PHACTR1: variants seen among roughly 807,000 people sequenced by gnomAD.
The protein encoded by PHACTR1 is phosphatase and actin regulator 1, also known as RPEL repeat containing 1.
Under a neutral mutation model 69.2 loss-of-function variants are expected in PHACTR1, and 16 were observed. The observed-to-expected ratio is 0.23, with a 90% confidence interval of 0.16 to 0.35. PHACTR1 has a LOEUF of 0.35. PHACTR1 is among the 10% of genes least tolerant of loss of function. The pLI, the probability that PHACTR1 is intolerant of heterozygous loss-of-function variation, is 1.00. For synonymous variants in PHACTR1, 312 were observed against 284.5 expected, an observed-to-expected ratio of 1.10 and a Z score of -0.97; for missense variants, 510 against 734.7, an observed-to-expected ratio of 0.69 and a Z score of 3.54.
chr6:13,207,982 A>G (rs752915395), intron 8 of PHACTR1, among the ~76,000 whole-genome samples: 18 of 152,028 alleles, frequency 1.2e-4, no homozygotes, highest in Non-Finnish European at 2.1e-4. Context: ...GTGTCTAGGA[A>G]TTCTGACTTG....
At chr6:13,117,213 C>T (rs961455473) in intron 5 of PHACTR1, among the ~76,000 whole-genome samples, 2 of 152,188 alleles carry the variant, frequency 1.3e-5, no homozygotes, top group Admixed American at 6.5e-5. Context: ...AATTAAAAGT[C>T]ACTGGTTATT....
chr6:13,067,911 G>A (rs1346613451), intron 5 of PHACTR1, among the ~76,000 whole-genome samples: 1 of 152,130 alleles, frequency 6.6e-6, no homozygotes, highest in Non-Finnish European at 1.5e-5. Context: ...GGGAGAGGTG[G>A]TATAGACTAG....
chr6:12,868,514 T>C (rs1043615984), intron 4 of PHACTR1, among the ~76,000 whole-genome samples: 1 of 152,124 alleles, frequency 6.6e-6, no homozygotes, highest in African/African-American at 2.4e-5. Context: ...TCTATCAAGA[T>C]GAGTGAATCA....
chr6:12,914,864 A>G (rs1786799158), intron 4 of PHACTR1, among the ~76,000 whole-genome samples: 1 of 152,242 alleles, frequency 6.6e-6, no homozygotes, highest in Admixed American at 6.5e-5. Context: ...ACTGAGGTTC[A>G]GGTCCACTGG....
At chr6:12,813,104 T>A (rs1308963139) in intron 4 of PHACTR1, among the ~76,000 whole-genome samples, 1 of 152,150 alleles carries the variant, frequency 6.6e-6, no homozygotes, top group African/African-American at 2.4e-5. Flanking sequence ...TATAACCTGG[T>A]GGATCTTAGG....
intron 10 of PHACTR1, among the ~76,000 whole-genome samples, chr6:13,265,321 A>T (rs943986512): frequency 2.7e-5 from 4 of 150,564 alleles, no homozygotes; most frequent in African/African-American, 9.8e-5. Context: ...TGTGGGCCAT[A>T]CCTATCATCT....
chr6:12,850,860 T>C (rs1157750050), intron 4 of PHACTR1, among the ~76,000 whole-genome samples: 2 of 152,174 alleles, frequency 1.3e-5, no homozygotes, highest in Non-Finnish European at 2.9e-5. Flanking sequence ...ACCAATTGTA[T>C]TGGATCAGGT....
chr6:12,739,805 C>T (rs1386630335), intron 3 of PHACTR1, among the ~76,000 whole-genome samples: 3 of 152,112 alleles, frequency 2.0e-5, no homozygotes, highest in South Asian at 2.1e-4. Flanking sequence ...CAAAGTAAAT[C>T]CAAAGGGATT....
At chr6:13,257,246 C>T (rs918740918) in intron 10 of PHACTR1, among the ~76,000 whole-genome samples, 3 of 152,176 alleles carry the variant, frequency 2.0e-5, no homozygotes, top group Admixed American at 6.5e-5. Context: ...AACTCATTCA[C>T]TATCAGGAGA....
intron 6 of PHACTR1, among the ~76,000 whole-genome samples, chr6:13,171,746 A>G (rs1389285924): frequency 2.0e-5 from 3 of 152,030 alleles, no homozygotes; most frequent in Non-Finnish European, 4.4e-5. Flanking sequence ...GCCATCCCCT[A>G]TAACTTCCCT....
intron 5 of PHACTR1, among the ~76,000 whole-genome samples, chr6:13,053,818 A>G (rs1046305478): frequency 3.9e-5 from 6 of 152,212 alleles, no homozygotes; most frequent in African/African-American, 1.2e-4. Flanking sequence ...CTATAATTGA[A>G]TGCTTTCATT....
At chr6:12,797,050 A>AGAGC (rs1773106498) in intron 4 of PHACTR1, among the ~76,000 whole-genome samples, 1 of 141,768 alleles carries the variant, frequency 7.1e-6, no homozygotes, top group African/African-American at 2.5e-5. Flanking sequence ...TGAGAGAGAG[A>AGAGC]GAGAGAGGGA....
chr6:12,971,811 A>C (rs1794246108), intron 4 of PHACTR1, among the ~76,000 whole-genome samples: 1 of 152,252 alleles, frequency 6.6e-6, no homozygotes, highest in African/African-American at 2.4e-5. Flanking sequence ...ATAAGCTGTT[A>C]AAATACAAAA....
chr6:13,087,910 G>T (rs933568613), intron 5 of PHACTR1, among the ~76,000 whole-genome samples: 13 of 152,072 alleles, frequency 8.5e-5, no homozygotes, highest in Non-Finnish European at 1.5e-5. Context: ...GCCTCCCAAG[G>T]TGCTAGGATT....
At chr6:12,849,936 G>T (rs1436595079) in intron 4 of PHACTR1, among the ~76,000 whole-genome samples, 3 of 152,042 alleles carry the variant, frequency 2.0e-5, no homozygotes, top group Non-Finnish European at 4.4e-5. Flanking sequence ...TCAAAATTAG[G>T]TGAGTCATAC....
At chr6:12,788,070 A>G (rs2127655924) in intron 4 of PHACTR1, among the ~76,000 whole-genome samples, 1 of 152,034 alleles carries the variant, frequency 6.6e-6, no homozygotes, top group South Asian at 2.1e-4. Context: ...AGGCAGGAGG[A>G]TAGCGTGAGT....
intron 3 of PHACTR1, among the ~76,000 whole-genome samples, chr6:12,731,012 T>TTATTTA (rs1462721480): frequency 2.7e-5 from 4 of 150,302 alleles, no homozygotes; most frequent in African/African-American, 9.8e-5. Flanking sequence ...ATTTATTTAT[T>TTATTTA]TATTTATTTA....
chr6:12,774,519 G>A (rs1052635834), intron 4 of PHACTR1, among the ~76,000 whole-genome samples: 19 of 152,036 alleles, frequency 1.2e-4, no homozygotes, highest in Admixed American at 1.2e-3. Flanking sequence ...AGCCTCCCAA[G>A]TAGCTGGGAT....
At chr6:12,834,937 T>G (rs551223214) in intron 4 of PHACTR1, among the ~76,000 whole-genome samples, 4 of 152,302 alleles carry the variant, frequency 2.6e-5, no homozygotes, top group African/African-American at 7.2e-5. Context: ...TCAAATACCC[T>G]CTTCGTAAAA....
Sources: gnomAD v4.1 joint callset for allele counts (sites outside exome capture counted in the v4.1 genomes callset) on GRCh38, gnomAD v4.1.1 for gene constraint, MANE v1.5 for transcripts, NCBI Gene and HGNC (gene_info 2026-07-23, HGNC 2026-07-21) for gene names.